Variants in UQCRC2 observed in about 807,000 individuals in gnomAD.
The protein encoded by UQCRC2 is cytochrome b-c1 complex subunit 2, mitochondrial.
UQCRC2 carries 49 observed loss-of-function variants against 55.6 expected under a neutral mutation model. The observed-to-expected ratio is 0.88, with a 90% CI of 0.70 to 1.12. The LOEUF is 1.12. Among genes scored for constraint, UQCRC2 ranks in the 50% most tolerant of loss-of-function variants. The pLI is 0.00. For synonymous variants in UQCRC2, 193 were observed against 192.0 expected, an observed-to-expected ratio of 1.01 and a Z score of -0.04; for missense variants, 506 against 547.8, an observed-to-expected ratio of 0.92 and a Z score of 0.76.
chr16:21,965,306 G>T, intron 6 of UQCRC2, 102 bp from the exon 7 acceptor site: 2 of 1,083,568 alleles, frequency 1.8e-6, no homozygotes, highest in Middle Eastern at 2.2e-4. Context: ...ATGAATGCCA[G>T]AAGATGACCA....
intron 12 of UQCRC2, chr16:21,976,454 G>A: frequency 2.3e-6 from 1 of 426,392 alleles, no homozygotes; most frequent in Non-Finnish European, 4.2e-6. Flanking sequence ...CACTTTGGGA[G>A]GCCAAGGCAG....
chr16:21,969,637 T>A (rs1368036163), intron 8 of UQCRC2, among the ~76,000 whole-genome samples: 1 of 152,136 alleles, frequency 6.6e-6, no homozygotes, highest in Non-Finnish European at 1.5e-5. Flanking sequence ...CATGAGAATA[T>A]CATTTGTAAT....
intron 3 of UQCRC2, 150 bp from the exon 4 acceptor site, chr16:21,958,385 G>A: frequency 1.4e-6 from 1 of 703,284 alleles, no homozygotes; most frequent in African/African-American, 1.8e-5. Flanking sequence ...GCTTTTTGTT[G>A]AGCCTTGTTT....
chr16:21,978,613 A>T (rs1898642146), intron 12 of UQCRC2, among the ~76,000 whole-genome samples: 1 of 152,194 alleles, frequency 6.6e-6, no homozygotes, highest in African/African-American at 2.4e-5. Context: ...AAATAGTTTT[A>T]CCTAGATCTA....
chr16:21,969,634 A>G (rs1445316977), intron 8 of UQCRC2, among the ~76,000 whole-genome samples: 1 of 152,192 alleles, frequency 6.6e-6, no homozygotes, highest in East Asian at 1.9e-4. Context: ...TTGCATGAGA[A>G]TATCATTTGT....
chr16:21,974,204 G>T (rs951912181), intron 11 of UQCRC2, among the ~76,000 whole-genome samples: 2 of 152,140 alleles, frequency 1.3e-5, no homozygotes, highest in African/African-American at 2.4e-5. Flanking sequence ...TTTTGGTTCT[G>T]GTTGGACAAG....
chr16:21,983,038 A>G (rs1760265092), intron 13 of UQCRC2, 50 bp from the exon 14 acceptor site: 1 of 1,485,478 alleles, frequency 6.7e-7, no homozygotes, highest in African/African-American at 1.4e-5. Context: ...CTGCTTGATG[A>G]TATATATTTT....
intron 4 of UQCRC2, among the ~76,000 whole-genome samples, chr16:21,961,659 TA>T (rs1567470598): frequency 2.1e-4 from 22 of 106,582 alleles, no homozygotes; most frequent in Admixed American, 2.0e-4. Flanking sequence ...TATATATATA[TA>T]TATATATATT....
At chr16:21,973,148 T>C (rs191862854) in intron 10 of UQCRC2, among the ~76,000 whole-genome samples, 5 of 152,172 alleles carry the variant, frequency 3.3e-5, no homozygotes, top group Non-Finnish European at 5.9e-5. Flanking sequence ...TGCCTTCTTA[T>C]GCTTTACGTG....
intron 3 of UQCRC2, 82 bp from the exon 4 acceptor site, chr16:21,958,453 C>T (rs1898128463): frequency 1.6e-6 from 2 of 1,219,850 alleles, no homozygotes; most frequent in South Asian, 1.3e-5. Context: ...TAAATCTGCT[C>T]ACAACAGATT....
At position 21,957,264 on chromosome 16, in the gene UQCRC2, A is replaced by C. The variant is rs1373834770; in HGVS notation, c.63A>C (p.Lys21Asn). ...SRFYSLKVAP[K>N]VKATAAPAGA... ...TTTATTCCCTCAAAGTTGCCCCCAA[A>C]GTTAAAGCCACAGCTGCGCCTGCAG... is the stretch of plus-strand genomic sequence containing the variant. Residue 21 changes from lysine (K) to asparagine (N), a missense_variant, in exon 2 of 14, where the codon AAA (lysine) becomes AAC (asparagine). By Grantham distance (94) the Lys-to-Asn change is moderately conservative. Coordinates refer to ENST00000268379, the MANE Select transcript of UQCRC2 (RefSeq NM_003366.4). The C allele has an allele frequency of 6.8e-6, 11 of 1,613,808 alleles. No individual in the cohort carries two copies. Among genetic ancestry groups the C allele is most frequent in the Admixed American group, 5.0e-5 (3 of 59,978 alleles).
At chr16:21,978,535 T>C (rs1898639764) in intron 12 of UQCRC2, among the ~76,000 whole-genome samples, 1 of 152,168 alleles carries the variant, frequency 6.6e-6, no homozygotes, top group South Asian at 2.1e-4. Flanking sequence ...TTTTCCATCA[T>C]ACCCTATGCT....
chr16:21,970,880 C>G (rs961511726), intron 8 of UQCRC2, among the ~76,000 whole-genome samples: 53 of 152,204 alleles, frequency 3.5e-4, no homozygotes, highest in African/African-American at 1.3e-3. Flanking sequence ...GCCACCGTGC[C>G]CAGTCAACTT....
intron 8 of UQCRC2, among the ~76,000 whole-genome samples, chr16:21,969,956 A>G (rs1898419410): frequency 6.6e-6 from 1 of 150,746 alleles, no homozygotes; most frequent in Admixed American, 6.6e-5. Flanking sequence ...ACTGCCTTGA[A>G]CTCCTAGGCT....
At chr16:21,963,257 A>G (rs1898247187) in intron 6 of UQCRC2, 1 of 161,516 alleles carries the variant, frequency 6.2e-6, no homozygotes, top group Non-Finnish European at 1.4e-5. Context: ...TCAGCCTCCC[A>G]AAGTGCTGGT....
intron 7 of UQCRC2, among the ~76,000 whole-genome samples, chr16:21,965,946 A>G (rs1898315074): frequency 6.6e-6 from 1 of 152,090 alleles, no homozygotes; most frequent in Non-Finnish European, 1.5e-5. Flanking sequence ...TGCCTCTCAA[A>G]GTGCTGGGAT....
chr16:21,980,221 T>C (rs969179805), intron 12 of UQCRC2: 2 of 254,898 alleles, frequency 7.8e-6, no homozygotes, highest in Non-Finnish European at 1.6e-5. Flanking sequence ...CACAACCGGA[T>C]CCAGAGGCCT....
chr16:21,954,998 TGA>T (rs2141924282), intron 1 of UQCRC2, among the ~76,000 whole-genome samples: 1 of 137,790 alleles, frequency 7.3e-6, no homozygotes, highest in South Asian at 2.2e-4. Context: ...GAGGTTGCAG[TGA>T]GCCGAGATCG....
At chr16:21,973,262 AG>A (rs1898507195) in intron 10 of UQCRC2, among the ~76,000 whole-genome samples, 1 of 152,222 alleles carries the variant, frequency 6.6e-6, no homozygotes, top group Admixed American at 6.5e-5. Flanking sequence ...CTGAGTCAGT[AG>A]GTCCATTTTG....
Sources: allele counts gnomAD v4.1 joint callset (sites outside exome capture counted in the v4.1 genomes callset), GRCh38; gene constraint gnomAD v4.1.1; transcripts MANE v1.5; gene names NCBI Gene and HGNC (gene_info 2026-07-23, HGNC 2026-07-21).